The following FARS2 variants were observed in gnomAD, a reference collection of about 807,000 sequenced individuals.
FARS2 encodes the protein phenylalanine--tRNA ligase, mitochondrial.
A neutral mutation model predicts 46.4 loss-of-function variants in FARS2; 40 were observed. The observed-to-expected ratio is 0.86, with a 90% CI of 0.67 to 1.12. The LOEUF (loss-of-function observed/expected upper bound fraction) is 1.12. Ranked by LOEUF, FARS2 falls within the 50% of genes most tolerant of loss-of-function variation. The pLI, the probability that FARS2 is intolerant of heterozygous loss-of-function variation, is 0.00. For missense variants in FARS2, 513 were observed against 567.9 expected (o/e 0.90, Z 0.98); for synonymous variants, 234 against 214.9 (o/e 1.09, Z -0.78).
intron 5 of FARS2, among the ~76,000 whole-genome samples, chr6:5,562,699 C>T (rs866220309): frequency 2.1e-5 from 3 of 141,666 alleles, no homozygotes; most frequent in Non-Finnish European, 4.5e-5. Flanking sequence ...AATTTATACA[C>T]ACACACACAC....
intron 6 of FARS2, among the ~76,000 whole-genome samples, chr6:5,687,997 T>C (rs1423906234): frequency 6.6e-6 from 1 of 152,236 alleles, no homozygotes; most frequent in African/African-American, 2.4e-5. Flanking sequence ...TTTGGCTCTC[T>C]GTTTGTCTGT....
chr6:5,380,120 T>G (rs1196836570), intron 2 of FARS2, among the ~76,000 whole-genome samples: 1 of 152,172 alleles, frequency 6.6e-6, no homozygotes, highest in Non-Finnish European at 1.5e-5. Context: ...AATTAGGTAA[T>G]GGGAAAGCTC....
At chr6:5,413,587 C>G (rs946364634) in intron 3 of FARS2, among the ~76,000 whole-genome samples, 2 of 152,196 alleles carry the variant, frequency 1.3e-5, no homozygotes, top group Non-Finnish European at 2.9e-5. Flanking sequence ...TGTCTTCTAG[C>G]TCTACTAAGG....
At chr6:5,641,486 A>G (rs1393295766) in intron 6 of FARS2, among the ~76,000 whole-genome samples, 2 of 152,078 alleles carry the variant, frequency 1.3e-5, no homozygotes, top group East Asian at 3.9e-4. Context: ...TAGTAGAGAC[A>G]GGGTTTTGCC....
intron 6 of FARS2, among the ~76,000 whole-genome samples, chr6:5,688,515 G>T (rs9721223): frequency 1.3e-5 from 2 of 152,158 alleles, no homozygotes; most frequent in African/African-American, 4.8e-5. Context: ...ATCGATTTGC[G>T]TATGTTGAAG....
intron 6 of FARS2, among the ~76,000 whole-genome samples, chr6:5,693,987 C>T (rs1397774218): frequency 6.6e-6 from 1 of 152,194 alleles, no homozygotes; most frequent in Non-Finnish European, 1.5e-5. Flanking sequence ...AAAAGCCCAC[C>T]CATTTTCAAG....
intron 6 of FARS2, among the ~76,000 whole-genome samples, chr6:5,660,669 A>G (rs964279996): frequency 2.1e-5 from 3 of 145,958 alleles, no homozygotes; most frequent in Admixed American, 1.4e-4. Flanking sequence ...AAAAAAAAAA[A>G]GTAACAGTGA....
upstream of FARS2, chr6:5,261,066 T>TA (rs1014979392): frequency 2.7e-5 from 16 of 598,130 alleles, no homozygotes; most frequent in African/African-American, 3.2e-4. Flanking sequence ...GGCGGGGAAA[T>TA]AAGAGGACTG....
chr6:5,462,682 CTG>C (rs1310973587), intron 4 of FARS2, among the ~76,000 whole-genome samples: 1 of 152,152 alleles, frequency 6.6e-6, no homozygotes, highest in East Asian at 1.9e-4. Flanking sequence ...TGTTGAAAAT[CTG>C]TATATAGAAC....
intron 6 of FARS2, among the ~76,000 whole-genome samples, chr6:5,739,542 C>A (rs924589219): frequency 4.6e-5 from 7 of 152,132 alleles, no homozygotes; most frequent in Non-Finnish European, 7.4e-5. Flanking sequence ...TGACCTGGGG[C>A]CCTCAGGTGC....
Position 5,369,108 on chromosome 6 carries a change from C to T in FARS2, c.538C>T (p.Arg180Cys), listed in dbSNP as rs747036254. 15 of 1,613,490 alleles carry T rather than the reference C, an allele frequency of 9.3e-6. No individual in the cohort carries two copies. Among genetic ancestry groups the T allele is most frequent in the Non-Finnish European group, 1.1e-5 (13 of 1,179,990 alleles). The change falls in exon 2 of 7, where the codon CGT becomes TGT. Residue 180 changes from arginine to cysteine, a missense_variant. Transcript: ENST00000274680. ...CCTGGTGGTGGGTGATGTCTACAGG[C>T]GTGACCAGATCGACTCCCAGCACTA... The part of the protein sequence containing the change: ...AFLVVGDVYR[R>C]DQIDSQHYPI...
intron 5 of FARS2, among the ~76,000 whole-genome samples, chr6:5,574,443 G>A (rs1319408542): frequency 6.6e-6 from 1 of 152,144 alleles, no homozygotes; most frequent in Non-Finnish European, 1.5e-5. Context: ...CTACTGTATG[G>A]AGCGGTCATA....
chr6:5,636,995 A>T (rs1044611887), intron 6 of FARS2, among the ~76,000 whole-genome samples: 3 of 152,252 alleles, frequency 2.0e-5, no homozygotes, highest in African/African-American at 7.2e-5. Flanking sequence ...AGTCCATAGA[A>T]CATTCCGAGA....
intron 4 of FARS2, among the ~76,000 whole-genome samples, chr6:5,445,897 G>T (rs971037823): frequency 1.3e-5 from 2 of 152,228 alleles, no homozygotes; most frequent in East Asian, 3.9e-4. Context: ...ACTACAGTAA[G>T]ATACTCTTTA....
chr6:5,548,125 G>A (rs1236681827), intron 5 of FARS2, among the ~76,000 whole-genome samples: 1 of 152,158 alleles, frequency 6.6e-6, no homozygotes, highest in African/African-American at 2.4e-5. Flanking sequence ...CAGATCTTGT[G>A]AGACTTAATC....
chr6:5,408,498 T>C (rs1761745319), intron 3 of FARS2, among the ~76,000 whole-genome samples: 1 of 152,104 alleles, frequency 6.6e-6, no homozygotes, highest in Non-Finnish European at 1.5e-5. Flanking sequence ...GAAACGGTAG[T>C]GTAGAATCAG....
intron 4 of FARS2, among the ~76,000 whole-genome samples, chr6:5,532,084 T>C (rs746865695): frequency 1.3e-5 from 2 of 152,152 alleles, no homozygotes; most frequent in Admixed American, 1.3e-4. Context: ...AGAAGAGAAA[T>C]CTACTGTTAT....
chr6:5,296,476 A>G lies in FARS2; in HGVS notation c.-22+34816A>G, dbSNP rs149856789. ...ATTTTTAAGCATACAGTTCGCTAGCATTAAGTACATTTATGGTCTCATGTA... is the reference window on the plus strand; with the variant it reads ...ATTTTTAAGCATACAGTTCGCTAGCGTTAAGTACATTTATGGTCTCATGTA... On this transcript the variant is annotated intron_variant, in intron 1 of 6. Transcript: ENST00000274680. Among the ~76,000 whole-genome samples, 179 of 152,298 alleles carry G rather than the reference A, an allele frequency of 1.2e-3. 1 individual carries two copies. The highest frequency in any genetic ancestry group is 4.1e-3 in the African/African-American group (169 of 41,570).
intron 4 of FARS2, among the ~76,000 whole-genome samples, chr6:5,496,565 T>G (rs1767477110): frequency 6.6e-6 from 1 of 152,114 alleles, no homozygotes; most frequent in Admixed American, 6.5e-5. Flanking sequence ...GACATCAAAG[T>G]GTTAGTAGGG....
Sources: gnomAD v4.1 joint callset for allele counts (sites outside exome capture counted in the v4.1 genomes callset) on GRCh38, gnomAD v4.1.1 for gene constraint, MANE v1.5 for transcripts, NCBI Gene and HGNC (gene_info 2026-07-23, HGNC 2026-07-21) for gene names.